The following TLE3 variants were observed in gnomAD, a reference collection of about 807,000 sequenced individuals.
The protein encoded by TLE3 is transducin-like enhancer protein 3.
In TLE3, 14 loss-of-function variants were observed where a neutral mutation model predicts 93.0. The observed-to-expected ratio is 0.15, with a 90% CI of 0.10 to 0.24. The LOEUF is 0.24. TLE3 is among the 10% of genes least tolerant of loss of function. The probability of loss-of-function intolerance (pLI) is 1.00; values close to 1 mark genes in which losing one functional copy is unlikely to be tolerated. For missense variants in TLE3, 693 were observed against 1,046.6 expected, an observed-to-expected ratio of 0.66 and a Z score of 4.66; for synonymous variants, 451 against 425.0, an observed-to-expected ratio of 1.06 and a Z score of -0.75.
chr15:70,084,863 TTG>T (rs1204776266), intron 4 of TLE3, among the ~76,000 whole-genome samples: 2 of 152,252 alleles, frequency 1.3e-5, no homozygotes, highest in Non-Finnish European at 2.9e-5. Flanking sequence ...CTCTGTCCCC[TTG>T]TGAGAATACC....
intron 4 of TLE3, among the ~76,000 whole-genome samples, chr15:70,088,816 A>G (rs2142005496): frequency 6.6e-6 from 1 of 152,352 alleles, no homozygotes; most frequent in East Asian, 1.9e-4. Flanking sequence ...TAAAGTTCAA[A>G]GCAGCATATT....
chr15:70,085,839 G>A (rs1156306900), intron 4 of TLE3, among the ~76,000 whole-genome samples: 2 of 152,272 alleles, frequency 1.3e-5, no homozygotes, highest in Admixed American at 6.5e-5. Context: ...AGGGATGGGA[G>A]ACAGGGATTG....
intron 4 of TLE3, among the ~76,000 whole-genome samples, chr15:70,080,591 G>C (rs761929701): frequency 3.3e-5 from 5 of 152,198 alleles, no homozygotes; most frequent in Non-Finnish European, 7.3e-5. Context: ...AAACAAGATA[G>C]TGGGGGGCAA....
intron 4 of TLE3, among the ~76,000 whole-genome samples, chr15:70,088,545 C>A (rs1304392897): frequency 6.6e-6 from 1 of 152,148 alleles, no homozygotes; most frequent in African/African-American, 2.4e-5. Context: ...TCCCTTTAAG[C>A]ATATAAAAAC....
intron 6 of TLE3, among the ~76,000 whole-genome samples, chr15:70,071,408 T>C (rs948548136): frequency 1.3e-5 from 2 of 152,102 alleles, no homozygotes; most frequent in Non-Finnish European, 2.9e-5. Context: ...TCTGTCTGTC[T>C]TTCCTTCCCC....
At chr15:70,076,597 G>C (rs2057457584) in intron 4 of TLE3, among the ~76,000 whole-genome samples, 1 of 152,170 alleles carries the variant, frequency 6.6e-6, no homozygotes, top group African/African-American at 2.4e-5. Flanking sequence ...AGATAAATGG[G>C]ACTAAGCTGA....
chr15:70,056,484 TAACCC>T, intron 13 of TLE3, 110 bp from the exon 14 acceptor site: 1 of 965,490 alleles, frequency 1.0e-6, no homozygotes, highest in East Asian at 2.4e-5. Context: ...TGCCACTTTG[TAACCC>T]AAGAGACAAG....
At chr15:70,069,342 T>A (rs2057003358) in intron 6 of TLE3, among the ~76,000 whole-genome samples, 1 of 152,118 alleles carries the variant, frequency 6.6e-6, no homozygotes, top group Non-Finnish European at 1.5e-5. Flanking sequence ...GGTCATGAGG[T>A]GTCCTGCTTG....
In TLE3 at chr15:70,094,894, C is replaced by T. The variant is rs113324677; in HGVS notation, c.190-318G>A. On this transcript the variant is annotated intron_variant, in intron 3 of 19. Transcript: ENST00000451782. ...ACAGGGAATCGTGTGTACACTGGGA[C>T]CCTCTTGTCCTCTGAGAGTTATTTA... The T allele has an allele frequency of 6.1e-4, 176 of 289,330 alleles. 3 individuals carry two copies. The South Asian group carries it at 0.011, about 19-fold the overall frequency. 17.9% of individuals were successfully genotyped at this position (289,330 alleles called of 1,614,324 possible). A position where few individuals can be genotyped will look rare whatever the true frequency, so the allele number is the denominator to read the frequency against.
intron 4 of TLE3, among the ~76,000 whole-genome samples, chr15:70,076,724 T>C (rs1013620581): frequency 6.6e-6 from 1 of 152,122 alleles, no homozygotes; most frequent in Non-Finnish European, 1.5e-5. Context: ...CTTCTTTCTT[T>C]TTTTTTCTTT....
chr15:70,049,944 CA>C lies in TLE3; in HGVS notation c.*152del. 1 of 623,622 alleles carries C rather than the reference CA, an allele frequency of 1.6e-6. No homozygotes were observed. The highest frequency in any genetic ancestry group is 2.7e-5 in the East Asian group (1 of 36,888). The allele number at this position is 623,622 out of a possible 1,614,324, so 38.6% of individuals were successfully genotyped here. On this transcript the variant is annotated 3_prime_UTR_variant, in exon 20 of 20. Coordinates refer to ENST00000451782, the MANE Select transcript of TLE3 (RefSeq NM_001105192.3). ...CCCAGGAGTCCAGACTGTGACGGGGCACGTGCCCTCTCAGCCGGCCGGAGCG... is the reference window on the plus strand; with the variant it reads ...CCCAGGAGTCCAGACTGTGACGGGGCCGTGCCCTCTCAGCCGGCCGGAGCG...
In TLE3 at chr15:70,081,774, C is replaced by T. The variant is rs76194099; in HGVS notation, c.235-5616G>A. ...GTACTGTGAGTCTGAGACCAGTTTGCGGATGTGTGTGAAAGATGAGATGAG... is the reference window on the plus strand; with the variant it reads ...GTACTGTGAGTCTGAGACCAGTTTGTGGATGTGTGTGAAAGATGAGATGAG... On this transcript the variant is annotated intron_variant, in intron 4 of 19. Transcript: ENST00000451782. Among the ~76,000 whole-genome samples, 387 of 152,200 alleles carry T rather than the reference C, an allele frequency of 2.5e-3. 2 individuals carry two copies. The highest frequency in any genetic ancestry group is 8.9e-3 in the African/African-American group (371 of 41,528).
rs749339059 is a variant in TLE3, at chr15:70,066,202, G to A, written c.389C>T (p.Ala130Val). 1.6e-4 allele frequency: 241 copies of A among 1,534,140 alleles called. No individual in the cohort carries two copies. The highest frequency in any genetic ancestry group is 2.0e-4 in the Non-Finnish European group (226 of 1,141,972). Residue 130 changes from alanine to valine, a missense_variant, in exon 7 of 20, where the codon GCG becomes GTG. Around this residue, in one of 4 missense-constraint regions of TLE3, gnomAD observed 104 missense variants for 173.8 expected, o/e 0.60. Coordinates refer to ENST00000451782, the MANE Select transcript of TLE3 (RefSeq NM_001105192.3). The stretch of plus-strand genomic sequence containing the variant: ...GTGTGTGGCATGGGAGAGGTGCTGC[G>A]CCTGGAGCTGCTGCTGCTGCAATGA... ...NAIIGQQQLQ[A>V]QHLSHATHGP...
rs71393476 is a variant in TLE3, at chr15:70,050,002, T to A, written c.*95A>T. ...TGAACGCTCGGCTGCCTGCGGCCCA[T>A]CCTCCGCCATCCTCGGGGCCCCTCG... On this transcript the variant is annotated 3_prime_UTR_variant, in exon 20 of 20. Coordinates refer to ENST00000451782, the MANE Select transcript of TLE3 (RefSeq NM_001105192.3). 2.9e-6 allele frequency: 3 copies of A among 1,035,796 alleles called. No homozygotes were observed. Among genetic ancestry groups the A allele is most frequent in the Admixed American group, 3.6e-5 (2 of 55,422 alleles). The allele number at this position is 1,035,796 out of a possible 1,614,324, so 64.2% of individuals were successfully genotyped here.
intron 5 of TLE3, among the ~76,000 whole-genome samples, chr15:70,075,096 C>A (rs1340296541): frequency 6.6e-6 from 1 of 152,230 alleles, no homozygotes; most frequent in Non-Finnish European, 1.5e-5. Context: ...TCTACATATA[C>A]CTTATCCATA....
intron 2 of TLE3, chr15:70,095,868 C>A (rs2058530264): frequency 3.1e-6 from 2 of 637,542 alleles, no homozygotes; most frequent in Non-Finnish European, 5.4e-6. Context: ...ATCACGGCAG[C>A]AGGGGAGTAG....
At chr15:70,056,219 G>C in intron 14 of TLE3, 79 bp downstream of exon 14, 1 of 1,442,700 alleles carries the variant, frequency 6.9e-7, no homozygotes, top group South Asian at 1.1e-5. Flanking sequence ...AGGGGATGAG[G>C]GGCGTTGTTG....
At chr15:70,060,470 C>A in intron 9 of TLE3, 60 bp downstream of exon 9, 6 of 1,602,850 alleles carry the variant, frequency 3.7e-6, no homozygotes, top group Middle Eastern at 2.1e-4. Flanking sequence ...TTGGGCCCTG[C>A]AGACACCCCC....
At chr15:70,094,458 G>A (rs2058454068) in intron 4 of TLE3, 74 bp downstream of exon 4, 5 of 1,175,404 alleles carry the variant, frequency 4.3e-6, no homozygotes, top group Non-Finnish European at 6.0e-6. Flanking sequence ...TTTCAAACAA[G>A]AGAGAACATA....
Sources: allele counts gnomAD v4.1 joint callset (sites outside exome capture counted in the v4.1 genomes callset), GRCh38; gene constraint gnomAD v4.1.1; regional missense constraint gnomAD v4.1.1; transcripts MANE v1.5; gene names NCBI Gene and HGNC (gene_info 2026-07-23, HGNC 2026-07-21).